PALLD: variants seen among roughly 807,000 people sequenced by gnomAD.
PALLD encodes the protein palladin.
In PALLD, 61 loss-of-function variants were observed where a neutral mutation model predicts 123.5. That is an observed-to-expected ratio of 0.49 (90% CI 0.40 to 0.61). The LOEUF (loss-of-function observed/expected upper bound fraction) is 0.61. Among genes scored for constraint, PALLD ranks in the 20% least tolerant of loss-of-function variants. PALLD has a pLI of 0.00. For missense variants in PALLD, 1,273 were observed against 1,377.0 expected, an observed-to-expected ratio of 0.92 and a Z score of 1.20; for synonymous variants, 465 against 496.4, an observed-to-expected ratio of 0.94 and a Z score of 0.84.
chr4:168,684,933 T>C (rs549150044), intron 5 of PALLD, among the ~76,000 whole-genome samples: 45 of 152,304 alleles, frequency 3.0e-4, no homozygotes, highest in Non-Finnish European at 4.9e-4. Context: ...CTGAAATCCT[T>C]ATATTTCTCC....
At chr4:168,854,682 C>A (rs1748317489) in intron 10 of PALLD, among the ~76,000 whole-genome samples, 1 of 152,188 alleles carries the variant, frequency 6.6e-6, no homozygotes, top group Non-Finnish European at 1.5e-5. Flanking sequence ...CAGGTCAAAT[C>A]ACAGCTCCCT....
chr4:168,517,294 A>G (rs565054459), intron 2 of PALLD, among the ~76,000 whole-genome samples: 293 of 152,332 alleles, frequency 1.9e-3, no homozygotes, highest in African/African-American at 6.6e-3. Context: ...AAAAACTTTT[A>G]AACACCCACT....
chr4:168,591,720 T>C (rs775472403), intron 2 of PALLD, among the ~76,000 whole-genome samples: 2 of 152,194 alleles, frequency 1.3e-5, no homozygotes, highest in Admixed American at 6.5e-5. Flanking sequence ...AAATATGTTA[T>C]GATTTTTAGT....
rs934010170 is a variant in PALLD, at chr4:168,691,184, G to T, written c.1478-85G>T. 8 of 942,128 alleles carry T rather than the reference G, an allele frequency of 8.5e-6. No individual in the cohort carries two copies. The African/African-American group carries it at 1.1e-4, about 13-fold the overall frequency. 58.4% of individuals were successfully genotyped at this position (942,128 alleles called of 1,614,324 possible). ...CAGACATGTCCTAGACAAGGTAATG[G>T]AAAGGAACAAGTAGGTTTTTTTTAA... On this transcript the variant is annotated intron_variant, in intron 7 of 21. Transcript: ENST00000505667.
At chr4:168,813,935 G>A (rs1561553455) in intron 10 of PALLD, among the ~76,000 whole-genome samples, 1 of 152,116 alleles carries the variant, frequency 6.6e-6, no homozygotes, top group Non-Finnish European at 1.5e-5. Flanking sequence ...GAACCTCACA[G>A]CATCCCTCAG....
intron 2 of PALLD, among the ~76,000 whole-genome samples, chr4:168,664,769 GAAA>G (rs11301858): frequency 1.8e-5 from 2 of 110,650 alleles, no homozygotes; most frequent in African/African-American, 3.0e-5. Flanking sequence ...AGAGGAGGAG[GAAA>G]AAAAAAAAAA....
chr4:168,804,578 C>CA (rs1739866010), intron 10 of PALLD, among the ~76,000 whole-genome samples: 2 of 152,220 alleles, frequency 1.3e-5, no homozygotes, highest in South Asian at 4.1e-4. Context: ...CCCATCAGCC[C>CA]ATCGGGGCAG....
chr4:168,836,191 A>G (rs1745159857), intron 10 of PALLD, among the ~76,000 whole-genome samples: 1 of 152,230 alleles, frequency 6.6e-6, no homozygotes, highest in African/African-American at 2.4e-5. Context: ...ATGGTTAGCT[A>G]ATGTCAGTGC....
chr4:168,692,262 G>A (rs1472392363), intron 8 of PALLD, among the ~76,000 whole-genome samples: 1 of 152,130 alleles, frequency 6.6e-6, no homozygotes, highest in African/African-American at 2.4e-5. Context: ...ATCTTTAAAA[G>A]CAGAGTTTGA....
intron 2 of PALLD, among the ~76,000 whole-genome samples, chr4:168,635,676 C>A (rs776250842): frequency 6.6e-6 from 1 of 152,220 alleles, no homozygotes. Context: ...AGTCCCTTGG[C>A]AGCCATCAAC....
intron 10 of PALLD, among the ~76,000 whole-genome samples, chr4:168,777,828 C>G (rs116005255): frequency 5.3e-5 from 8 of 152,302 alleles, no homozygotes; most frequent in East Asian, 3.9e-4. Context: ...CTCCCCACCC[C>G]CTTCATTCAA....
chr4:168,609,753 C>A (rs1279735398), intron 2 of PALLD, among the ~76,000 whole-genome samples: 1 of 152,166 alleles, frequency 6.6e-6, no homozygotes, highest in Non-Finnish European at 1.5e-5. Context: ...CAGCTCAGAA[C>A]CTTCTGAATC....
intron 10 of PALLD, among the ~76,000 whole-genome samples, chr4:168,791,308 C>A (rs1416035993): frequency 6.6e-6 from 1 of 152,222 alleles, no homozygotes; most frequent in African/African-American, 2.4e-5. Context: ...CTAGTTTCCC[C>A]TCTGGGACCC....
intron 10 of PALLD, among the ~76,000 whole-genome samples, chr4:168,743,250 T>C (rs1258711222): frequency 6.6e-6 from 1 of 152,226 alleles, no homozygotes; most frequent in Non-Finnish European, 1.5e-5. Context: ...GTGGATTGAA[T>C]TCATTGTCAC....
intron 10 of PALLD, among the ~76,000 whole-genome samples, chr4:168,791,287 T>C (rs1198401826): frequency 6.6e-6 from 1 of 152,238 alleles, no homozygotes; most frequent in Non-Finnish European, 1.5e-5. Flanking sequence ...ACCACCACCA[T>C]AAGTCAATCT....
chr4:168,707,724 G>A (rs1309200604), intron 8 of PALLD, among the ~76,000 whole-genome samples: 4 of 152,260 alleles, frequency 2.6e-5, no homozygotes, highest in Non-Finnish European at 4.4e-5. Flanking sequence ...TACAAAGGAA[G>A]GAATAATTGC....
Position 168,891,042 on chromosome 4 carries a change from G to T in PALLD, c.2085G>T (p.Leu695=), listed in dbSNP as rs2151193953. 3 of 1,614,130 alleles carry T rather than the reference G, an allele frequency of 1.9e-6. No individual in the cohort carries two copies. The highest frequency in any genetic ancestry group is 2.5e-6 in the Non-Finnish European group (3 of 1,180,012). Residue 695 remains leucine (L), a synonymous_variant, in exon 11 of 22, where the codon CTG becomes CTT. Transcript: ENST00000505667. ...AACTTCGCTTCAAGGAGGACCTCCTGAACAATGGCCAGCCGGTACTGATAG... is the reference window on the plus strand; with the variant it reads ...AACTTCGCTTCAAGGAGGACCTCCTTAACAATGGCCAGCCGGTACTGATAG... ...ERKLRFKEDL[L]NNGQPRLTYE... is the part of the protein sequence containing the mutation.
intron 6 of PALLD, chr4:168,686,620 C>T (rs912301811): frequency 7.9e-5 from 12 of 152,336 alleles, no homozygotes; most frequent in African/African-American, 1.4e-4. Flanking sequence ...AAATATGGAA[C>T]GCTTCACGAA....
intron 12 of PALLD, among the ~76,000 whole-genome samples, chr4:168,895,668 G>C (rs533682175): frequency 1.3e-5 from 2 of 152,170 alleles, no homozygotes; most frequent in African/African-American, 4.8e-5. Flanking sequence ...CTGAAGAGAA[G>C]AAGACAAGGG....
Sources: allele counts gnomAD v4.1 joint callset (sites outside exome capture counted in the v4.1 genomes callset), GRCh38; gene constraint gnomAD v4.1.1; transcripts MANE v1.5; gene names NCBI Gene and HGNC (gene_info 2026-07-23, HGNC 2026-07-21).